NYAP2: variants seen among roughly 807,000 people sequenced by gnomAD.
NYAP2 encodes neuronal tyrosine-phosphorylated phosphoinositide-3-kinase adaptor 2.
A neutral mutation model predicts 50.4 loss-of-function variants in NYAP2; 23 were observed. The observed-to-expected ratio is 0.46, with a 90% CI of 0.33 to 0.65. The LOEUF (loss-of-function observed/expected upper bound fraction) is 0.65. Among genes scored for constraint, NYAP2 ranks in the 30% least tolerant of loss-of-function variants. NYAP2 has a pLI of 0.02. For synonymous variants in NYAP2, 394 were observed against 365.2 expected (o/e 1.08, Z -0.90); for missense variants, 885 against 861.0 (o/e 1.03, Z -0.35).
chr2:225,412,927 C>G (rs1261367083), intron 3 of NYAP2, among the ~76,000 whole-genome samples: 1 of 152,116 alleles, frequency 6.6e-6, no homozygotes, highest in Non-Finnish European at 1.5e-5. Context: ...GGAACACTGA[C>G]CAGGTGCACA....
chr2:225,462,969 C>G (rs1689858472), intron 3 of NYAP2, among the ~76,000 whole-genome samples: 1 of 152,134 alleles, frequency 6.6e-6, no homozygotes, highest in African/African-American at 2.4e-5. Flanking sequence ...GATTCAAACC[C>G]AAATAACTTA....
intron 3 of NYAP2, among the ~76,000 whole-genome samples, chr2:225,442,139 G>C (rs1180373585): frequency 3.3e-5 from 5 of 152,158 alleles, no homozygotes; most frequent in African/African-American, 7.2e-5. Flanking sequence ...TAATCAGCAG[G>C]TCTTGACTTC....
At chr2:225,461,741 A>G (rs1307441646) in intron 3 of NYAP2, among the ~76,000 whole-genome samples, 1 of 152,212 alleles carries the variant, frequency 6.6e-6, no homozygotes, top group Admixed American at 6.5e-5. Flanking sequence ...TTCATTGACA[A>G]AAGCAGCCAG....
intron 4 of NYAP2, among the ~76,000 whole-genome samples, chr2:225,518,352 G>A (rs1280389819): frequency 1.3e-5 from 2 of 150,882 alleles, no homozygotes; most frequent in Non-Finnish European, 3.0e-5. Flanking sequence ...AGGGGCTAGG[G>A]CAGGAGTGGG....
intron 3 of NYAP2, among the ~76,000 whole-genome samples, chr2:225,418,502 G>A (rs894176892): frequency 6.6e-5 from 10 of 152,148 alleles, no homozygotes; most frequent in African/African-American, 1.9e-4. Context: ...TGCTGGAATC[G>A]TAGTTACACT....
intron 5 of NYAP2, among the ~76,000 whole-genome samples, chr2:225,620,955 A>T (rs556476759): frequency 6.6e-6 from 1 of 152,180 alleles, no homozygotes; most frequent in African/African-American, 2.4e-5. Context: ...CTCTACTGAA[A>T]ATACAAAAAT....
At chr2:225,672,975 G>C in the NYAP2 span, among the ~76,000 whole-genome samples, 1 of 151,516 alleles carries the variant, frequency 6.6e-6, no homozygotes, top group Admixed American at 6.6e-5. Context: ...GTTTTAGTCT[G>C]TTCTCACACT....
chr2:225,588,491 T>C (rs1237754851), intron 5 of NYAP2, among the ~76,000 whole-genome samples: 1 of 152,170 alleles, frequency 6.6e-6, no homozygotes, highest in East Asian at 1.9e-4. Flanking sequence ...TGAGGTCCAG[T>C]GATACCTAAA....
chr2:225,658,205 G>C (rs1693858799), downstream of NYAP2, among the ~76,000 whole-genome samples: 1 of 152,060 alleles, frequency 6.6e-6, no homozygotes, highest in African/African-American at 2.4e-5. Flanking sequence ...GCTTCTTTCA[G>C]GCTGTGCAAC....
intron 3 of NYAP2, among the ~76,000 whole-genome samples, chr2:225,496,612 C>A (rs1047759869): frequency 9.9e-5 from 15 of 152,136 alleles, no homozygotes; most frequent in African/African-American, 2.9e-4. Flanking sequence ...AAAACCTTTG[C>A]CAAAGAATCA....
At chr2:225,412,254 G>GTTTTTTTTTTT in intron 3 of NYAP2, among the ~76,000 whole-genome samples, 1 of 17,366 alleles carries the variant, frequency 5.8e-5, no homozygotes, top group Non-Finnish European at 1.4e-4. Context: ...ACTGCGCCCG[G>GTTTTTTTTTTT]CTTTTTTTTT....
At chr2:225,576,742 A>G (rs1204210460) in intron 4 of NYAP2, among the ~76,000 whole-genome samples, 3 of 152,246 alleles carry the variant, frequency 2.0e-5, no homozygotes, top group Non-Finnish European at 4.4e-5. Context: ...AATGAATTGC[A>G]TAGCTTTTTC....
At position 225,466,230 on chromosome 2, in the gene NYAP2, A is replaced by T. The variant is rs184584042; in HGVS notation, c.222-47141A>T. ...ACTTGAAGATTTATATGCCCTCTTG[A>T]CAAATACTGTTTTCTATTTTCTCAT... On this transcript the variant is annotated intron_variant, in intron 3 of 6. Coordinates refer to ENST00000636099, the Ensembl canonical transcript of NYAP2. Among the ~76,000 whole-genome samples the T allele has an allele frequency of 1.4e-3, 206 of 152,326 alleles. 2 individuals carry two copies. Among genetic ancestry groups the T allele is most frequent in the African/African-American group, 4.5e-3 (185 of 41,564 alleles).
intron 4 of NYAP2, among the ~76,000 whole-genome samples, chr2:225,520,330 G>C (rs1275260419): frequency 3.3e-5 from 5 of 152,156 alleles, no homozygotes; most frequent in Admixed American, 2.6e-4. Context: ...TGGTGTTTTA[G>C]ACATGAAGTC....
At chr2:225,581,712 A>G (rs781021498) in intron 4 of NYAP2, among the ~76,000 whole-genome samples, 2 of 152,204 alleles carry the variant, frequency 1.3e-5, no homozygotes, top group Non-Finnish European at 2.9e-5. Context: ...TGCATTTATC[A>G]GTGTTAGATT....
chr2:225,409,106 A>G lies in NYAP2; in HGVS notation c.221+5A>G. 3 of 1,551,618 alleles carry G rather than the reference A, an allele frequency of 1.9e-6. No individual in the cohort carries two copies. The highest frequency in any genetic ancestry group is 2.6e-6 in the Non-Finnish European group (3 of 1,143,984). On this transcript the variant is annotated splice_donor_5th_base_variant and intron_variant, in intron 3 of 6. Coordinates refer to ENST00000636099, the Ensembl canonical transcript of NYAP2. ...ACAAGAAGAAGCAATAAAGCGGTAA[A>G]TATAAATAAAATTATTTTGAGTTTT...
chr2:225,660,441 ATTTT>A, the NYAP2 span, among the ~76,000 whole-genome samples: 17 of 133,994 alleles, frequency 1.3e-4, no homozygotes, highest in Admixed American at 3.1e-4. Flanking sequence ...CACAGGATAC[ATTTT>A]TTTTTTTTTT....
chr2:225,439,167 G>T (rs1340434810), intron 3 of NYAP2, among the ~76,000 whole-genome samples: 1 of 152,150 alleles, frequency 6.6e-6, no homozygotes, highest in Non-Finnish European at 1.5e-5. Flanking sequence ...AGTGTATAAG[G>T]GTTGGGTTTT....
intron 4 of NYAP2, among the ~76,000 whole-genome samples, chr2:225,571,707 G>A (rs1692076804): frequency 6.6e-6 from 1 of 152,172 alleles, no homozygotes; most frequent in African/African-American, 2.4e-5. Flanking sequence ...TGATGGGAGG[G>A]GATGCTGTGA....
Sources: gnomAD v4.1 joint callset for allele counts (sites outside exome capture counted in the v4.1 genomes callset) on GRCh38, gnomAD v4.1.1 for gene constraint, MANE v1.5 for transcripts, NCBI Gene and HGNC (gene_info 2026-07-23, HGNC 2026-07-21) for gene names.